The following ANK3 variants were observed in gnomAD, a reference collection of about 807,000 sequenced individuals.
ANK3 encodes the protein ankyrin-3.
Under a neutral mutation model 370.9 loss-of-function variants are expected in ANK3, and 57 were observed. That is an observed-to-expected ratio of 0.15 (90% CI 0.12 to 0.19). The LOEUF is 0.19. Among genes scored for constraint, ANK3 ranks in the 10% least tolerant of loss-of-function variants. The probability of loss-of-function intolerance (pLI) is 1.00; values close to 1 mark genes in which losing one functional copy is unlikely to be tolerated. For synonymous variants in ANK3, 1,929 were observed against 1,946.3 expected (o/e 0.99, Z 0.23); for missense variants, 4,439 against 5,302.1 (o/e 0.84, Z 5.06).
chr10:60,545,594 C>T (rs2076945830), intron 2 of ANK3, among the ~76,000 whole-genome samples: 1 of 151,816 alleles, frequency 6.6e-6, no homozygotes, highest in Non-Finnish European at 1.5e-5. Flanking sequence ...TTGTAATTCT[C>T]ATGAATGTGT....
At chr10:60,658,935 A>C (rs1221212677) in intron 1 of ANK3, among the ~76,000 whole-genome samples, 1 of 151,894 alleles carries the variant, frequency 6.6e-6, no homozygotes, top group Non-Finnish European at 1.5e-5. Context: ...AGGAAAAAAG[A>C]AAAGAGAAAA....
intron 1 of ANK3, among the ~76,000 whole-genome samples, chr10:60,656,374 T>TG (rs2078863905): frequency 2.6e-5 from 4 of 152,162 alleles, no homozygotes; most frequent in African/African-American, 7.2e-5. Context: ...TTTGTGAAAA[T>TG]GGTAATCTGT....
chr10:60,317,207 G>C (rs1011930399), intron 1 of ANK3, among the ~76,000 whole-genome samples: 3 of 151,918 alleles, frequency 2.0e-5, no homozygotes, highest in Non-Finnish European at 2.9e-5. Flanking sequence ...GTGGTGCGAT[G>C]TCTGCCTCCT....
intron 43 of ANK3, among the ~76,000 whole-genome samples, chr10:60,031,104 T>TA (rs890489195): frequency 6.6e-6 from 1 of 152,104 alleles, no homozygotes; most frequent in Non-Finnish European, 1.5e-5. Context: ...GCTTTGTAAG[T>TA]AAGTCTCTCA....
At chr10:60,058,704 GA>G (rs1020298224) in intron 41 of ANK3, among the ~76,000 whole-genome samples, 13 of 152,126 alleles carry the variant, frequency 8.5e-5, no homozygotes, top group Admixed American at 5.9e-4. Context: ...TTGCAGTTAG[GA>G]AAAAAACAGT....
At chr10:60,618,081 G>T (rs1281435324) in intron 1 of ANK3, among the ~76,000 whole-genome samples, 1 of 151,956 alleles carries the variant, frequency 6.6e-6, no homozygotes, top group Non-Finnish European at 1.5e-5. Context: ...CCTTCTCACA[G>T]AGGAAACTGA....
At chr10:60,051,503 C>T (rs575880617) in intron 42 of ANK3, 14 of 985,396 alleles carry the variant, frequency 1.4e-5, no homozygotes, top group East Asian at 2.3e-4. Flanking sequence ...GCGAATAACT[C>T]GGGTAGTGAC....
intron 38 of ANK3, among the ~76,000 whole-genome samples, chr10:60,065,956 G>A (rs1245379816): frequency 6.6e-6 from 1 of 152,064 alleles, no homozygotes; most frequent in Admixed American, 6.6e-5. Context: ...TTACAAATAA[G>A]CAGATTACAT....
chr10:60,733,504 G>T (rs2080058383), upstream of ANK3: 4 of 468,816 alleles, frequency 8.5e-6, no homozygotes, highest in South Asian at 3.5e-4. Flanking sequence ...CGCTGCGACC[G>T]CCAGGTGCCC....
chr10:60,087,073 A>G (rs764399070), intron 29 of ANK3, among the ~76,000 whole-genome samples, 189 bp from the exon 30 acceptor site: 8 of 151,548 alleles, frequency 5.3e-5, no homozygotes, highest in Non-Finnish European at 1.0e-4. Context: ...ACCAAACACT[A>G]TGACAGGAAT....
At chr10:60,244,338 G>C (rs2097521919) in intron 7 of ANK3, among the ~76,000 whole-genome samples, 1 of 152,146 alleles carries the variant, frequency 6.6e-6, no homozygotes, top group African/African-American at 2.4e-5. Context: ...ATTAAGGGAA[G>C]AGTTAAGTGG....
intron 1 of ANK3, among the ~76,000 whole-genome samples, chr10:60,288,290 C>T (rs1238323133): frequency 6.6e-6 from 1 of 152,190 alleles, no homozygotes; most frequent in Non-Finnish European, 1.5e-5. Flanking sequence ...GATCCCTTCT[C>T]GCTCTGGACT....
At chr10:60,308,396 C>T (rs576870708) in intron 1 of ANK3, among the ~76,000 whole-genome samples, 3 of 150,056 alleles carry the variant, frequency 2.0e-5, no homozygotes, top group South Asian at 4.3e-4. Context: ...GCCTTTCAGC[C>T]TCCCGAGTAG....
chr10:60,487,070 T>C (rs895344027), intron 2 of ANK3, among the ~76,000 whole-genome samples: 3 of 152,148 alleles, frequency 2.0e-5, no homozygotes, highest in African/African-American at 4.8e-5. Context: ...GTTAGAGCGA[T>C]GAGCAATTAA....
rs10994283 is a variant in ANK3, at chr10:60,254,243, C to T, written c.798+7616G>A. On this transcript the variant is annotated intron_variant, in intron 7 of 43. Transcript: ENST00000280772. ...TATTCTTTTTTATTGTTTTTTTTTT[C>T]CCCCCAAATATCTTCCATCCATGGT... 4.5e-3 allele frequency among the ~76,000 whole-genome samples: 475 copies of T among 104,586 alleles called. 4 individuals are homozygous for T. Among genetic ancestry groups the T allele is most frequent in the Non-Finnish European group, 4.5e-3 (192 of 42,894 alleles). The allele number at this position is 104,586 out of a possible 152,430, so 68.6% of individuals were successfully genotyped here.
In ANK3 at chr10:60,609,576, G is replaced by C. The variant is rs561411354; in HGVS notation, c.96+5610C>G. On this transcript the variant is annotated intron_variant, in intron 2 of 43. Transcript: ENST00000373827. ...TTGCCAACTATGGTAGATTCAAAAG[G>C]GGACTTCTATGAGAGTTACAAAACA... is the stretch of plus-strand genomic sequence containing the variant. 3.0e-4 allele frequency among the ~76,000 whole-genome samples: 46 copies of C among 152,026 alleles called. No individual in the cohort carries two copies. In the South Asian group the frequency reaches 9.2e-3, roughly 30 times the overall value.
chr10:60,584,090 C>G (rs1199745095), intron 2 of ANK3, among the ~76,000 whole-genome samples: 1 of 152,112 alleles, frequency 6.6e-6, no homozygotes, highest in Non-Finnish European at 1.5e-5. Flanking sequence ...TTAACCTTAG[C>G]CCATCTCATC....
intron 7 of ANK3, among the ~76,000 whole-genome samples, chr10:60,251,439 C>T (rs183214277): frequency 7.9e-5 from 12 of 152,278 alleles, no homozygotes; most frequent in African/African-American, 2.6e-4. Context: ...ACTGGCCTTT[C>T]GGTTGGGACA....
At chr10:60,083,832 C>A in intron 32 of ANK3, 1 of 363,240 alleles carries the variant, frequency 2.8e-6, no homozygotes, top group Non-Finnish European at 4.9e-6. Flanking sequence ...ATATACAGAA[C>A]AGAATTACAC....
Sources: allele counts gnomAD v4.1 joint callset (sites outside exome capture counted in the v4.1 genomes callset), GRCh38; gene constraint gnomAD v4.1.1; transcripts MANE v1.5; gene names NCBI Gene and HGNC (gene_info 2026-07-23, HGNC 2026-07-21).